The following CCDC170 variants were observed in gnomAD, a reference collection of about 807,000 sequenced individuals.
The protein encoded by CCDC170 is coiled-coil domain containing 170, also known as coiled-coil domain-containing protein 170.
CCDC170 carries 69 observed loss-of-function variants against 72.6 expected under a neutral mutation model. That is an observed-to-expected ratio of 0.95 (90% CI 0.78 to 1.16). CCDC170 has a LOEUF of 1.16. Among genes scored for constraint, CCDC170 ranks in the 50% most tolerant of loss-of-function variants. CCDC170 has a pLI of 0.00. For synonymous variants in CCDC170, 300 were observed against 303.9 expected (o/e 0.99, Z 0.13); for missense variants, 852 against 832.5 (o/e 1.02, Z -0.29).
At chr6:151,610,186 A>G (rs539242220) in intron 9 of CCDC170, among the ~76,000 whole-genome samples, 3 of 152,334 alleles carry the variant, frequency 2.0e-5, no homozygotes, top group Admixed American at 6.5e-5. Flanking sequence ...TACTTAATCA[A>G]TGTAATGTCC....
At chr6:151,536,252 C>CGT in intron 1 of CCDC170, 66 bp from the exon 2 acceptor site, 1 of 1,573,208 alleles carries the variant, frequency 6.4e-7, no homozygotes. Flanking sequence ...TGGCTTTGTG[C>CGT]AGCTGCACGG....
chr6:151,525,633 A>G (rs528773510), intron 1 of CCDC170, among the ~76,000 whole-genome samples: 139 of 152,340 alleles, frequency 9.1e-4, no homozygotes, highest in African/African-American at 3.0e-3. Flanking sequence ...CAAACCTTTA[A>G]GAACTAATGA....
chr6:151,591,126 T>G (rs1330868413), intron 7 of CCDC170, among the ~76,000 whole-genome samples: 3 of 152,234 alleles, frequency 2.0e-5, no homozygotes, highest in Non-Finnish European at 4.4e-5. Context: ...AATTTCATCC[T>G]GATAATTAAA....
intron 1 of CCDC170, among the ~76,000 whole-genome samples, chr6:151,517,129 G>A (rs1015949999): frequency 2.0e-5 from 3 of 152,164 alleles, no homozygotes; most frequent in African/African-American, 7.2e-5. Flanking sequence ...GAGGTCAGGA[G>A]TTGGAGACCA....
At chr6:151,523,584 G>A (rs998292854) in intron 1 of CCDC170, among the ~76,000 whole-genome samples, 6 of 151,708 alleles carry the variant, frequency 4.0e-5, no homozygotes, top group South Asian at 2.1e-4. Context: ...TACTCGGGAC[G>A]CTGAGGCAGG....
intron 1 of CCDC170, among the ~76,000 whole-genome samples, chr6:151,505,951 A>T: frequency 6.6e-6 from 1 of 151,976 alleles, no homozygotes; most frequent in East Asian, 1.9e-4. Context: ...TTAAACAAAC[A>T]AACAGCGGGC....
chr6:151,554,883 T>G (rs1281991994), intron 5 of CCDC170, among the ~76,000 whole-genome samples: 17 of 143,084 alleles, frequency 1.2e-4, no homozygotes, highest in Non-Finnish European at 1.7e-4. Context: ...TTTTTTTTTT[T>G]TTTTTTTTTT....
chr6:151,602,903 C>T (rs968481017), intron 9 of CCDC170, among the ~76,000 whole-genome samples: 12 of 151,814 alleles, frequency 7.9e-5, no homozygotes, highest in South Asian at 2.1e-4. Context: ...CAGGTTCAAG[C>T]GATTCTCCTG....
intron 2 of CCDC170, 35 bp from the exon 3 acceptor site, chr6:151,538,010 G>GTTT: frequency 7.2e-7 from 1 of 1,387,590 alleles, no homozygotes; most frequent in East Asian, 2.6e-5. Flanking sequence ...ATGTTGTTAA[G>GTTT]GTTTTTTTTT....
intron 1 of CCDC170, among the ~76,000 whole-genome samples, chr6:151,527,167 G>A (rs913257761): frequency 6.6e-5 from 10 of 151,478 alleles, no homozygotes; most frequent in Non-Finnish European, 1.5e-4. Flanking sequence ...AAAGTGCTGG[G>A]ATTACAGGTG....
intron 1 of CCDC170, among the ~76,000 whole-genome samples, chr6:151,529,021 CACA>C (rs1782453173): frequency 2.0e-5 from 3 of 152,048 alleles, no homozygotes; most frequent in African/African-American, 7.2e-5. Flanking sequence ...CGCCTCTCAC[CACA>C]ACTCCAATTG....
At chr6:151,542,225 T>A (rs545590305) in intron 3 of CCDC170, among the ~76,000 whole-genome samples, 1 of 151,128 alleles carries the variant, frequency 6.6e-6, no homozygotes, top group South Asian at 2.1e-4. Flanking sequence ...ATAATTTTAT[T>A]TATTTACTTA....
At chr6:151,603,581 T>A (rs1776742128) in intron 9 of CCDC170, among the ~76,000 whole-genome samples, 1 of 152,252 alleles carries the variant, frequency 6.6e-6, no homozygotes, top group Non-Finnish European at 1.5e-5. Flanking sequence ...CTTTATGGCC[T>A]GCATCAGTTA....
intron 8 of CCDC170, among the ~76,000 whole-genome samples, chr6:151,593,525 T>A (rs1377177541): frequency 6.6e-6 from 1 of 152,070 alleles, no homozygotes; most frequent in Non-Finnish European, 1.5e-5. Context: ...AAGTAAAAGT[T>A]TTTTGTTGTT....
chr6:151,579,158 C>T (rs974385068), intron 6 of CCDC170, among the ~76,000 whole-genome samples: 2 of 151,822 alleles, frequency 1.3e-5, no homozygotes, highest in Non-Finnish European at 2.9e-5. Context: ...CATAGAATAT[C>T]AGGTATATGT....
chr6:151,592,186 C>T (rs554672079), intron 7 of CCDC170, among the ~76,000 whole-genome samples: 36 of 152,018 alleles, frequency 2.4e-4, no homozygotes, highest in African/African-American at 6.0e-4. Context: ...GGTGAAACCC[C>T]GTCTCTGCTA....
chr6:151,548,349 G>A lies in CCDC170; in HGVS notation c.634G>A (p.Val212Ile). Residue 212 changes from valine (V) to isoleucine (I), a missense_variant, in exon 5 of 11, where the codon GTT (valine) becomes ATT (isoleucine). By Grantham distance (29) the Val-to-Ile change is conservative. Coordinates refer to ENST00000239374, the MANE Select transcript of CCDC170 (RefSeq NM_025059.4). ...AAATGAATTCGTGAAAGGACAAATT[G>A]TTATTCTTGAAGAGACTATAAATGT... ...KENEFVKGQIVILEETINVHE... is the reference protein window; with the variant it reads ...KENEFVKGQIIILEETINVHE... 6.2e-7 allele frequency: 1 copy of A among 1,602,868 alleles called. No homozygotes were observed. The highest frequency in any genetic ancestry group is 8.5e-7 in the Non-Finnish European group (1 of 1,174,346).
chr6:151,599,664 A>T (rs1220946944), intron 9 of CCDC170, among the ~76,000 whole-genome samples: 2 of 152,104 alleles, frequency 1.3e-5, no homozygotes, highest in African/African-American at 4.8e-5. Flanking sequence ...AGAGAGAGAG[A>T]TAGAGAGAGA....
At chr6:151,596,070 A>C (rs771061008) in intron 8 of CCDC170, among the ~76,000 whole-genome samples, 4 of 152,202 alleles carry the variant, frequency 2.6e-5, no homozygotes, top group Admixed American at 1.3e-4. Context: ...GATGATGCAC[A>C]TAATGTTAGA....
Sources: gnomAD v4.1 joint callset for allele counts (sites outside exome capture counted in the v4.1 genomes callset) on GRCh38, gnomAD v4.1.1 for gene constraint, MANE v1.5 for transcripts, NCBI Gene and HGNC (gene_info 2026-07-23, HGNC 2026-07-21) for gene names.